The following TMPRSS11A variants were observed in gnomAD, a reference collection of about 807,000 sequenced individuals.
TMPRSS11A encodes transmembrane serine protease 11A.
A neutral mutation model predicts 58.9 loss-of-function variants in TMPRSS11A; 53 were observed. That is an observed-to-expected ratio of 0.90 (90% CI 0.72 to 1.13). The LOEUF is 1.13. Among genes scored for constraint, TMPRSS11A ranks in the 50% most tolerant of loss-of-function variants. TMPRSS11A has a pLI of 0.00. For missense variants in TMPRSS11A, 493 were observed against 499.3 expected (o/e 0.99, Z 0.12); for synonymous variants, 167 against 169.8 (o/e 0.98, Z 0.13).
intron 1 of TMPRSS11A, among the ~76,000 whole-genome samples, chr4:67,961,942 C>G (rs552087187): frequency 2.0e-5 from 3 of 152,002 alleles, no homozygotes; most frequent in Non-Finnish European, 4.4e-5. Context: ...GAAAAGGACA[C>G]TTTTGGTGCC....
Position 67,924,973 on chromosome 4 carries a change from C to CTT in TMPRSS11A, c.482-809_482-808dup, listed in dbSNP as rs11286541. Among the ~76,000 whole-genome samples, 542 of 138,320 alleles carry CTT rather than the reference C, an allele frequency of 3.9e-3. 2 individuals are homozygous for CTT. Among genetic ancestry groups the CTT allele is most frequent in the African/African-American group, 0.013 (496 of 38,040 alleles). The allele number at this position is 138,320 out of a possible 152,430, so 90.7% of individuals were successfully genotyped here. Reference sequence around the variant, plus strand: ...TATTTACTTCGAATTTCACATAAATCTTTTTTTTTTTTTTTTTGGTTAAAG... The same window carrying CTT: ...TATTTACTTCGAATTTCACATAAATCTTTTTTTTTTTTTTTTTTTGGTTAAAG... On this transcript the variant is annotated intron_variant, in intron 5 of 9. Transcript: ENST00000508048.
intron 4 of TMPRSS11A, among the ~76,000 whole-genome samples, chr4:67,930,829 T>TTTTAAA (rs1265700805): frequency 1.6e-4 from 14 of 90,108 alleles, no homozygotes; most frequent in East Asian, 1.0e-3. Flanking sequence ...TTTTTTTTTT[T>TTTTAAA]ACAAAAAAAA....
At position 67,963,381 on chromosome 4, in the gene TMPRSS11A, A is replaced by T. The variant is rs764210920; in HGVS notation, c.11+2T>A. On this transcript the variant is annotated splice_donor_variant, in intron 1 of 9. Transcript: ENST00000508048. LOFTEE classifies it high-confidence loss of function. ...CCATCTATAAAACAGAACTGAACTT[A>T]CCGATACATCATGTACAGGAGGAAG... The T allele has an allele frequency of 4.3e-6, 7 of 1,613,650 alleles. No homozygotes were observed. Among genetic ancestry groups the T allele is most frequent in the Non-Finnish European group, 5.1e-6 (6 of 1,179,862 alleles).
intron 1 of TMPRSS11A, among the ~76,000 whole-genome samples, chr4:67,947,540 C>T (rs1209323858): frequency 6.6e-6 from 1 of 152,042 alleles, no homozygotes. Flanking sequence ...AATTGGATTA[C>T]TTTTAGATTT....
chr4:67,948,406 C>T (rs1257531111), intron 1 of TMPRSS11A, among the ~76,000 whole-genome samples: 1 of 152,166 alleles, frequency 6.6e-6, no homozygotes. Flanking sequence ...GATCCACCCA[C>T]CTCGGCCTCC....
Position 67,927,976 on chromosome 4 carries a change from G to C in TMPRSS11A, c.481+1904C>G, listed in dbSNP as rs377544109. Among the ~76,000 whole-genome samples, 71 of 152,244 alleles carry C rather than the reference G, an allele frequency of 4.7e-4. 1 individual carries two copies. In the South Asian group the frequency reaches 0.012, roughly 26 times the overall value. ...TACAGATGAGAAAATGAAGACAAAG[G>C]CATGAGCCAATTATTTGGGTGGTCC... On this transcript the variant is annotated intron_variant, in intron 5 of 9. Coordinates refer to ENST00000508048, the MANE Select transcript of TMPRSS11A (RefSeq NM_001114387.2).
Position 67,917,347 on chromosome 4 carries a change from C to T in TMPRSS11A, c.952+1626G>A, listed in dbSNP as rs115531109. ...TTCTATTTGTTTTTACAAATTTCTT[C>T]GAGATATTCTCTTTATTTACATATG... On this transcript the variant is annotated intron_variant, in intron 8 of 9. Transcript: ENST00000508048. Among the ~76,000 whole-genome samples the T allele has an allele frequency of 2.0e-3, 308 of 151,972 alleles. 4 individuals carry two copies. Among genetic ancestry groups the T allele is most frequent in the African/African-American group, 7.1e-3 (293 of 41,478 alleles).
At chr4:67,963,280 T>A in intron 1 of TMPRSS11A, 103 bp downstream of exon 1, 2 of 1,132,172 alleles carry the variant, frequency 1.8e-6, no homozygotes. Flanking sequence ...GCAGATTGAA[T>A]CCACCAAAGA....
intron 3 of TMPRSS11A, among the ~76,000 whole-genome samples, chr4:67,935,595 A>G (rs1357066098): frequency 6.6e-6 from 1 of 152,260 alleles, no homozygotes; most frequent in African/African-American, 2.4e-5. Flanking sequence ...TTATGCATAG[A>G]GATGGCAATT....
intron 8 of TMPRSS11A, 65 bp downstream of exon 8, chr4:67,918,908 T>G: frequency 2.5e-5 from 39 of 1,554,572 alleles, no homozygotes; most frequent in Non-Finnish European, 3.3e-5. Context: ...ATAATATTGA[T>G]GGAGATGAAA....
intron 5 of TMPRSS11A, among the ~76,000 whole-genome samples, chr4:67,927,215 C>G (rs1021893404): frequency 6.6e-6 from 1 of 152,170 alleles, no homozygotes; most frequent in Non-Finnish European, 1.5e-5. Flanking sequence ...GAAACATACC[C>G]CTTGCTGGCC....
chr4:67,927,086 C>T (rs920155749), intron 5 of TMPRSS11A, among the ~76,000 whole-genome samples: 2 of 152,142 alleles, frequency 1.3e-5, no homozygotes, highest in Non-Finnish European at 2.9e-5. Context: ...GCTCAGTAAA[C>T]CTTTCTTCGT....
intron 7 of TMPRSS11A, among the ~76,000 whole-genome samples, chr4:67,920,527 TTATATA>T (rs1180319358): frequency 1.5e-5 from 2 of 132,720 alleles, no homozygotes; most frequent in African/African-American, 5.6e-5. Context: ...AATGAGGTAA[TTATATA>T]TATATATATA....
intron 2 of TMPRSS11A, among the ~76,000 whole-genome samples, chr4:67,946,224 T>G (rs1035597686): frequency 1.3e-5 from 2 of 152,178 alleles, no homozygotes; most frequent in Non-Finnish European, 2.9e-5. Flanking sequence ...ATTAGAAATC[T>G]GTCTACTTTG....
chr4:67,948,091 C>T (rs1456205115), intron 1 of TMPRSS11A, among the ~76,000 whole-genome samples: 3 of 151,230 alleles, frequency 2.0e-5, no homozygotes, highest in Admixed American at 1.3e-4. Context: ...ATATTTTCTT[C>T]ACAGGATTGG....
intron 1 of TMPRSS11A, among the ~76,000 whole-genome samples, chr4:67,949,735 T>TG (rs1273800525): frequency 3.3e-5 from 5 of 152,084 alleles, no homozygotes; most frequent in Admixed American, 3.3e-4. Flanking sequence ...GGTGTACACC[T>TG]GTAATTCCAG....
intron 1 of TMPRSS11A, among the ~76,000 whole-genome samples, chr4:67,962,061 T>G (rs1467342842): frequency 6.6e-6 from 1 of 152,148 alleles, no homozygotes; most frequent in Non-Finnish European, 1.5e-5. Flanking sequence ...GGATATGCAT[T>G]TTCACATTCA....
chr4:67,942,113 AC>A (rs2109758748), intron 3 of TMPRSS11A, among the ~76,000 whole-genome samples: 1 of 152,358 alleles, frequency 6.6e-6, no homozygotes, highest in East Asian at 1.9e-4. Flanking sequence ...TAATAATTAT[AC>A]GTAACAATGC....
At chr4:67,949,308 T>C (rs1224499526) in intron 1 of TMPRSS11A, among the ~76,000 whole-genome samples, 8 of 152,226 alleles carry the variant, frequency 5.3e-5, no homozygotes, top group Non-Finnish European at 1.5e-5. Context: ...TCAAGTGTCA[T>C]GGAAGTCATA....
Sources: allele counts gnomAD v4.1 joint callset (sites outside exome capture counted in the v4.1 genomes callset), GRCh38; gene constraint gnomAD v4.1.1; transcripts MANE v1.5; gene names NCBI Gene and HGNC (gene_info 2026-07-23, HGNC 2026-07-21).